Variants in TSHR observed in about 807,000 individuals in gnomAD.
The protein encoded by TSHR is thyroid stimulating hormone receptor.
TSHR carries 51 observed loss-of-function variants against 64.1 expected under a neutral mutation model. The ratio of observed to expected loss-of-function variants is 0.80; its 90% CI spans 0.64 to 1.01. The LOEUF (loss-of-function observed/expected upper bound fraction) is 1.01, where lower values mean the gene tolerates loss of function less well. Among genes scored for constraint, TSHR ranks in the 50% least tolerant of loss-of-function variants. The probability of loss-of-function intolerance (pLI) is 0.00; values close to 1 mark genes in which losing one functional copy is unlikely to be tolerated. For missense variants in TSHR, 877 were observed against 942.8 expected, an observed-to-expected ratio of 0.93 and a Z score of 0.91; for synonymous variants, 361 against 361.9, an observed-to-expected ratio of 1.00 and a Z score of 0.03.
intron 1 of TSHR, chr14:80,982,439 T>C: frequency 8.3e-7 from 1 of 1,199,826 alleles, no homozygotes; most frequent in Non-Finnish European, 1.1e-6. Flanking sequence ...GCTGAGGAGT[T>C]GGAGCCTGTG....
At chr14:80,974,130 G>A (rs754848588) in intron 1 of TSHR, among the ~76,000 whole-genome samples, 14 of 152,150 alleles carry the variant, frequency 9.2e-5, no homozygotes, top group Non-Finnish European at 1.9e-4. Context: ...TTACTAATGC[G>A]GTGGTAGGTC....
intron 1 of TSHR, among the ~76,000 whole-genome samples, chr14:80,983,953 C>A (rs1452508441): frequency 6.6e-6 from 1 of 152,146 alleles, no homozygotes; most frequent in African/African-American, 2.4e-5. Flanking sequence ...CTCCTTAGAT[C>A]CATCTGTGGC....
intron 9 of TSHR, 49 bp downstream of exon 9, chr14:81,139,916 G>A (rs1454487549): frequency 6.2e-7 from 1 of 1,607,202 alleles, no homozygotes; most frequent in South Asian, 1.1e-5. Flanking sequence ...TGGTGGAAGT[G>A]GAATTCATTT....
chr14:81,015,812 T>C (rs1234916752), intron 1 of TSHR, among the ~76,000 whole-genome samples: 6 of 152,072 alleles, frequency 3.9e-5, no homozygotes, highest in Admixed American at 3.9e-4. Context: ...GTAACCATCA[T>C]TCTACTCTCT....
chr14:80,991,913 C>G, intron 1 of TSHR: 1 of 265,716 alleles, frequency 3.8e-6, no homozygotes, highest in Admixed American at 5.4e-5. Context: ...AAGTGTGGGA[C>G]CAGAAAGATA....
chr14:81,008,175 CTT>C lies in TSHR; in HGVS notation c.170+52339_170+52340del, dbSNP rs34516600. Among the ~76,000 whole-genome samples, 236 of 128,650 alleles carry C rather than the reference CTT, an allele frequency of 1.8e-3. 2 individuals carry two copies. The highest frequency in any genetic ancestry group is 2.3e-3 in the Admixed American group (29 of 12,820). 84.4% of individuals were successfully genotyped at this position (128,650 alleles called of 152,430 possible). A position where few individuals can be genotyped will look rare whatever the true frequency, so the allele number is the denominator to read the frequency against. On this transcript the variant is annotated intron_variant, in intron 1 of 9. Transcript: ENST00000298171. ...AACTTGTAGACCATTTTCTTTCTTT[CTT>C]TTTTTTTTTTTTTGAGATGGAGTCT...
chr14:81,108,971 G>A (rs1890098139), intron 8 of TSHR: 1 of 1,302,644 alleles, frequency 7.7e-7, no homozygotes, highest in South Asian at 1.6e-5. Context: ...CATTTCCTTT[G>A]ATTTACACCC....
chr14:81,019,004 G>A (rs1404454059), intron 1 of TSHR, among the ~76,000 whole-genome samples: 2 of 152,148 alleles, frequency 1.3e-5, no homozygotes, highest in Non-Finnish European at 2.9e-5. Flanking sequence ...GAAACTTGAT[G>A]TGGATTGAAA....
intron 6 of TSHR, among the ~76,000 whole-genome samples, chr14:81,093,008 G>A (rs961919101): frequency 5.6e-4 from 86 of 152,260 alleles, no homozygotes; most frequent in African/African-American, 2.0e-3. Flanking sequence ...ACTAGATTTG[G>A]CCTGCAGGCC....
At chr14:81,095,912 T>G (rs1026314252) in intron 6 of TSHR, among the ~76,000 whole-genome samples, 1 of 151,996 alleles carries the variant, frequency 6.6e-6, no homozygotes, top group African/African-American at 2.4e-5. Flanking sequence ...TGGTGGCACA[T>G]GCCTATAGTC....
intron 6 of TSHR, 106 bp downstream of exon 6, chr14:81,092,714 C>CTAT: frequency 1.0e-6 from 1 of 988,056 alleles, no homozygotes; most frequent in Non-Finnish European, 1.6e-6. Flanking sequence ...CATATATACT[C>CTAT]TATAGAGTAC....
intron 1 of TSHR, among the ~76,000 whole-genome samples, chr14:80,999,844 G>A (rs1344487649): frequency 1.3e-5 from 2 of 151,990 alleles, no homozygotes; most frequent in African/African-American, 4.8e-5. Context: ...CCAATTTATA[G>A]GGCTGCACTG....
intron 1 of TSHR, among the ~76,000 whole-genome samples, chr14:80,984,055 G>A (rs1301656290): frequency 2.0e-5 from 3 of 148,466 alleles, no homozygotes; most frequent in East Asian, 1.9e-4. Context: ...ACAGTACCTA[G>A]AGAGAGAGTG....
chr14:80,994,221 T>C (rs1441254760), intron 1 of TSHR: 2 of 148,848 alleles, frequency 1.3e-5, no homozygotes, highest in African/African-American at 2.4e-5. Context: ...GCAATATATA[T>C]GCAAAAAAAG....
At chr14:80,974,242 G>T (rs1887751847) in intron 1 of TSHR, among the ~76,000 whole-genome samples, 1 of 152,176 alleles carries the variant, frequency 6.6e-6, no homozygotes, top group African/African-American at 2.4e-5. Context: ...CAGCTGTTTG[G>T]CATCAGGGTT....
chr14:81,138,514 G>A (rs1891547932), intron 8 of TSHR, among the ~76,000 whole-genome samples: 1 of 152,052 alleles, frequency 6.6e-6, no homozygotes, highest in Admixed American at 6.6e-5. Flanking sequence ...CTTACCAGCA[G>A]ACCAGTTTGG....
intron 1 of TSHR, among the ~76,000 whole-genome samples, chr14:81,005,632 T>C (rs1026345216): frequency 2.6e-5 from 4 of 152,160 alleles, no homozygotes; most frequent in Non-Finnish European, 4.4e-5. Flanking sequence ...CAGGATGCCA[T>C]TCAAGACAAG....
At chr14:81,001,714 T>C in intron 1 of TSHR, 1 of 460,228 alleles carries the variant, frequency 2.2e-6, no homozygotes. Flanking sequence ...GTTTCACGAG[T>C]GTTCTTACAG....
intron 1 of TSHR, among the ~76,000 whole-genome samples, chr14:81,024,415 AT>A: frequency 1.3e-5 from 2 of 151,842 alleles, no homozygotes; most frequent in East Asian, 1.9e-4. Context: ...TGCCTGGCTA[AT>A]TTTTTGTATT....
Sources: gnomAD v4.1 joint callset for allele counts (sites outside exome capture counted in the v4.1 genomes callset) on GRCh38, gnomAD v4.1.1 for gene constraint, MANE v1.5 for transcripts, NCBI Gene and HGNC (gene_info 2026-07-23, HGNC 2026-07-21) for gene names.